The following APOBEC3B variants were observed in gnomAD, a reference collection of about 807,000 sequenced individuals.
APOBEC3B encodes DNA dC->dU-editing enzyme APOBEC-3B.
In APOBEC3B, 29 loss-of-function variants were observed where a neutral mutation model predicts 53.4. The ratio of observed to expected loss-of-function variants is 0.54; its 90% CI spans 0.40 to 0.74. The LOEUF (loss-of-function observed/expected upper bound fraction) is 0.74, where lower values mean the gene tolerates loss of function less well. Ranked by LOEUF, APOBEC3B falls within the 30% of genes least tolerant of loss-of-function variation. The probability of loss-of-function intolerance (pLI) is 0.00; values close to 1 mark genes in which losing one functional copy is unlikely to be tolerated. For missense variants in APOBEC3B, 347 were observed against 496.2 expected, an observed-to-expected ratio of 0.70 and a Z score of 2.86; for synonymous variants, 132 against 184.8, an observed-to-expected ratio of 0.71 and a Z score of 2.32.
intron 4 of APOBEC3B, among the ~76,000 whole-genome samples, chr22:38,988,800 T>G (rs1316536982): frequency 1.4e-5 from 2 of 144,456 alleles, no homozygotes; most frequent in Admixed American, 7.3e-5. Flanking sequence ...AACAGAGATT[T>G]TTCTAATTCT....
At chr22:38,983,206 TACTC>T in intron 1 of APOBEC3B, among the ~76,000 whole-genome samples, 1 of 147,870 alleles carries the variant, frequency 6.8e-6, no homozygotes. Flanking sequence ...TAGTCCCAGA[TACTC>T]AGGAGGTTTA....
Position 38,987,555 on chromosome 22 carries a change from G to A in APOBEC3B, c.569+1143G>A, listed in dbSNP as rs184400638. Reference sequence around the variant, plus strand: ...GATGATTGGAGCAATCAGGCATTTTGTTCTTAGCATTTTGATGGAATTTCT... The same window carrying A: ...GATGATTGGAGCAATCAGGCATTTTATTCTTAGCATTTTGATGGAATTTCT... On this transcript the variant is annotated intron_variant, in intron 4 of 7. Transcript: ENST00000333467. Among the ~76,000 whole-genome samples the A allele has an allele frequency of 2.4e-4, 35 of 148,612 alleles. 2 individuals are homozygous for A. Among genetic ancestry groups the A allele is most frequent in the Admixed American group, 1.5e-3 (22 of 14,468 alleles).
chr22:38,988,715 TTC>T (rs1603268381), intron 4 of APOBEC3B, among the ~76,000 whole-genome samples: 1 of 112,574 alleles, frequency 8.9e-6, no homozygotes. Flanking sequence ...CTTTCTTTCT[TTC>T]TTTCTTTCTT....
rs1397016317 is a variant in APOBEC3B, at chr22:38,989,475, C to T, written c.588C>T (p.Asp196=). ...KEILRYLMDP[D]TFTFNFNNDP... The stretch of plus-strand genomic sequence containing the variant: ...TCCACAGATACCTGATGGATCCAGA[C>T]ACATTCACTTTCAACTTTAATAATG... Residue 196 remains aspartate (D), a synonymous_variant, in exon 5 of 8, where the codon GAC becomes GAT. Transcript: ENST00000333467. 2 of 1,579,632 alleles carry T rather than the reference C, an allele frequency of 1.3e-6. No homozygotes were observed. The highest frequency in any genetic ancestry group is 5.0e-5 in the East Asian group (2 of 39,790).
Position 38,989,757 on chromosome 22 carries a change from G to T in APOBEC3B, c.723+147G>T. Reference sequence around the variant, plus strand: ...CTGCTGCTGCTTGGCCCTGGAGTTGGGGGGAGACTTTGGCTTCAGTGACTC... The same window carrying T: ...CTGCTGCTGCTTGGCCCTGGAGTTGTGGGGAGACTTTGGCTTCAGTGACTC... On this transcript the variant is annotated intron_variant, in intron 5 of 7. Transcript: ENST00000333467. 7 of 907,356 alleles carry T rather than the reference G, an allele frequency of 7.7e-6. 1 individual carries two copies. Among genetic ancestry groups the T allele is most frequent in the Non-Finnish European group, 1.1e-5 (7 of 653,896 alleles). The allele number at this position is 907,356 out of a possible 1,614,324, so 56.2% of individuals were successfully genotyped here. A position where few individuals can be genotyped will look rare whatever the true frequency, so the allele number is the denominator to read the frequency against.
chr22:38,985,571 T>C (rs371444981), intron 2 of APOBEC3B, among the ~76,000 whole-genome samples: 20 of 148,550 alleles, frequency 1.3e-4, no homozygotes, highest in African/African-American at 4.2e-4. Context: ...AAAGGTGCAG[T>C]CCCCACAGCC....
In APOBEC3B at chr22:38,992,050, G is replaced by C; in HGVS notation, c.1035G>C (p.Trp345Cys). The C allele has an allele frequency of 6.3e-7, 1 of 1,587,250 alleles. No individual in the cohort carries two copies. Among genetic ancestry groups the C allele is most frequent in the Admixed American group, 1.8e-5 (1 of 55,636 alleles). ...IMTYDEFEYC[W>C]DTFVYRQGCP... ...CCTTTTCAGAGTTTGAGTACTGCTG[G>C]GACACCTTTGTGTACCGCCAGGGAT... The change falls in exon 7 of 8, where the codon TGG becomes TGC. Residue 345 changes from tryptophan (W) to cysteine (C), a missense_variant. By Grantham distance (215) the Trp-to-Cys change is radical (BLOSUM62 -2). Transcript: ENST00000333467.
rs1400253274 is a variant in APOBEC3B at position 38,986,782 on chromosome 22, G to T, written c.569+370G>T. 2.0e-5 allele frequency among the ~76,000 whole-genome samples: 3 copies of T among 148,912 alleles called. 1 individual carries two copies. Among genetic ancestry groups the T allele is most frequent in the East Asian group, 2.2e-4 (1 of 4,446 alleles). On this transcript the variant is annotated intron_variant, in intron 4 of 7. Transcript: ENST00000333467. Reference sequence around the variant, plus strand: ...GAGATGTGGAAGGAAGGAGCTCAGTGTGGGGGCACCCATGGCATCCTGGGG... The same window carrying T: ...GAGATGTGGAAGGAAGGAGCTCAGTTTGGGGGCACCCATGGCATCCTGGGG...
chr22:38,986,308 C>G lies in APOBEC3B; in HGVS notation c.465C>G (p.Tyr155Ter), dbSNP rs372700506. Residue 155 changes from tyrosine (Y) to a stop codon, truncating the protein, a stop_gained, in exon 4 of 8, where the codon TAC becomes TAG. Transcript: ENST00000333467. LOFTEE classifies it high-confidence loss of function. ...VTIMDYEEFA[Y>*]CWENFVYNEG... ...GCTTCTTCATCTCAGAATTTGCATA[C>G]TGCTGGGAAAACTTTGTGTACAATG... The G allele has an allele frequency of 1.9e-6, 3 of 1,593,490 alleles. No individual in the cohort carries two copies.
chr22:38,992,194 TCCTCCCCGCTCC>T, intron 7 of APOBEC3B, 45 bp downstream of exon 7: 1 of 1,548,596 alleles, frequency 6.5e-7, no homozygotes, highest in African/African-American at 1.4e-5. Context: ...GGCCTCCCCC[TCCTCCCCGCTCC>T]CCTGTGCCTT....
chr22:38,988,718 T>TTTCTTTCTTTCG (rs1923858705), intron 4 of APOBEC3B, among the ~76,000 whole-genome samples: 1 of 135,212 alleles, frequency 7.4e-6, no homozygotes, highest in South Asian at 2.7e-4. Flanking sequence ...TCTTTCTTTC[T>TTTCTTTCTTTCG]TTCTTTCTTT....
At chr22:38,988,691 T>TCTCTCTCTCTCTC (rs1447601363) in intron 4 of APOBEC3B, among the ~76,000 whole-genome samples, 1 of 87,946 alleles carries the variant, frequency 1.1e-5, no homozygotes, top group South Asian at 5.4e-4. Flanking sequence ...TTCTCTTTCT[T>TCTCTCTCTCTCTC]TCTTTCTTTC....
chr22:38,992,722 T>C lies in APOBEC3B; in HGVS notation c.*277T>C. ...TGTATTAATGAAGTGATTAATTGGCTCCATATTTAGACTAATAAAACATTA... is the reference window on the plus strand; with the variant it reads ...TGTATTAATGAAGTGATTAATTGGCCCCATATTTAGACTAATAAAACATTA... On this transcript the variant is annotated 3_prime_UTR_variant, in exon 8 of 8. Transcript: ENST00000333467. 1 of 870,970 alleles carries C rather than the reference T, an allele frequency of 1.1e-6. No individual in the cohort carries two copies. Among genetic ancestry groups the C allele is most frequent in the Non-Finnish European group, 1.7e-6 (1 of 581,776 alleles). The allele number at this position is 870,970 out of a possible 1,614,324, so 54.0% of individuals were successfully genotyped here. A position where few individuals can be genotyped will look rare whatever the true frequency, so the allele number is the denominator to read the frequency against.
At chr22:38,988,729 C>T (rs1923862219) in intron 4 of APOBEC3B, among the ~76,000 whole-genome samples, 1 of 134,208 alleles carries the variant, frequency 7.5e-6, no homozygotes, top group African/African-American at 2.9e-5. Flanking sequence ...TTCTTTCTTT[C>T]TTTCTTTCTT....
Position 38,992,130 on chromosome 22 carries a change from G to A in APOBEC3B, c.1115G>A (p.Arg372Lys), listed in dbSNP as rs199837717. The A allele has an allele frequency of 3.0e-5, 48 of 1,592,668 alleles. 5 individuals carry two copies. The highest frequency in any genetic ancestry group is 3.8e-5 in the Non-Finnish European group (45 of 1,172,508). ...GAGCACAGCCAAGCCCTGAGTGGGA[G>A]GCTGCGGGCCATTCTCCAGGTGAGG... is the stretch of plus-strand genomic sequence containing the variant. Reference protein sequence around the residue: ...LEEHSQALSGRLRAILQNQGN With the variant: ...LEEHSQALSGKLRAILQNQGN The change falls in exon 7 of 8, where the codon AGG (arginine) becomes AAG (lysine). Residue 372 changes from arginine (R) to lysine (K), a missense_variant. Coordinates refer to ENST00000333467, the MANE Select transcript of APOBEC3B (RefSeq NM_004900.5).
In APOBEC3B at chr22:38,989,286, G is replaced by A; in HGVS notation, c.570-171G>A. On this transcript the variant is annotated intron_variant, in intron 4 of 7. Coordinates refer to ENST00000333467, the MANE Select transcript of APOBEC3B (RefSeq NM_004900.5). ...TTGACTTCCTGATAATCCACCAGAA[G>A]GGGTCAGAGAGAGAGGATCAGTGGC... Among the ~76,000 whole-genome samples the A allele has an allele frequency of 1.3e-5, 2 of 148,358 alleles. 1 individual carries two copies. Among genetic ancestry groups the A allele is most frequent in the Non-Finnish European group, 3.0e-5 (2 of 67,228 alleles).
intron 7 of APOBEC3B, 31 bp from the exon 8 acceptor site, chr22:38,992,400 C>A (rs576561916): frequency 6.2e-7 from 1 of 1,600,342 alleles, no homozygotes; most frequent in East Asian, 2.3e-5. Context: ...TCTCTCACCT[C>A]CTGCTCCATT....
intron 4 of APOBEC3B, 142 bp from the exon 5 acceptor site, chr22:38,989,315 C>T (rs1442357789): frequency 1.4e-6 from 1 of 717,012 alleles, no homozygotes; most frequent in Non-Finnish European, 2.1e-6. Context: ...CAGTGGCCCC[C>T]ACAAAGGGAG....
At chr22:38,989,748 C>T in intron 5 of APOBEC3B, 138 bp downstream of exon 5, 4 of 973,852 alleles carry the variant, frequency 4.1e-6, no homozygotes, top group Non-Finnish European at 5.6e-6. Context: ...CTGCTTGGCC[C>T]TGGAGTTGGG....
Sources: gnomAD v4.1 joint callset for allele counts (sites outside exome capture counted in the v4.1 genomes callset) on GRCh38, gnomAD v4.1.1 for gene constraint, MANE v1.5 for transcripts, NCBI Gene and HGNC (gene_info 2026-07-23, HGNC 2026-07-21) for gene names.